Variants in DLC1 observed in about 807,000 individuals in gnomAD.
DLC1 encodes DLC1 Rho GTPase activating protein.
DLC1 carries 54 observed loss-of-function variants against 140.3 expected under a neutral mutation model. The ratio of observed to expected loss-of-function variants is 0.38; its 90% CI spans 0.31 to 0.48. The LOEUF is 0.48. DLC1 is among the 20% of genes least tolerant of loss of function. DLC1 has a pLI of 0.96. For missense variants in DLC1, 2,536 were observed against 1,907.0 expected (o/e 1.33, Z -6.14); for synonymous variants, 986 against 728.1 (o/e 1.35, Z -5.70).
chr8:13,158,667 C>G (rs1456397156), intron 5 of DLC1, among the ~76,000 whole-genome samples: 1 of 147,270 alleles, frequency 6.8e-6, no homozygotes, highest in East Asian at 2.0e-4. Context: ...GCTTTTCTTC[C>G]AGTGCTTTTC....
intron 5 of DLC1, among the ~76,000 whole-genome samples, chr8:13,155,629 T>C (rs900148075): frequency 1.3e-5 from 2 of 152,156 alleles, no homozygotes; most frequent in Non-Finnish European, 2.9e-5. Context: ...AGTAATATTG[T>C]TTGCTATATT....
chr8:13,424,685 G>A (rs908303426), intron 2 of DLC1, among the ~76,000 whole-genome samples: 2 of 151,762 alleles, frequency 1.3e-5, no homozygotes, highest in African/African-American at 2.4e-5. Flanking sequence ...CCACTCTCCT[G>A]CCTTAGCCCC....
chr8:13,154,280 T>G (rs1050851576), intron 5 of DLC1, among the ~76,000 whole-genome samples: 1 of 152,172 alleles, frequency 6.6e-6, no homozygotes, highest in Admixed American at 6.5e-5. Flanking sequence ...GACTCGGGCC[T>G]GCGGGAGCCC....
chr8:13,396,342 A>G (rs1485727011), intron 3 of DLC1, among the ~76,000 whole-genome samples: 2 of 152,150 alleles, frequency 1.3e-5, no homozygotes, highest in Non-Finnish European at 2.9e-5. Flanking sequence ...TACAGACGTG[A>G]GCTGCTGCGC....
intron 2 of DLC1, among the ~76,000 whole-genome samples, chr8:13,476,343 G>C (rs145922509): frequency 1.8e-4 from 27 of 152,256 alleles, no homozygotes; most frequent in Admixed American, 6.5e-4. Context: ...AAAGTATTAG[G>C]AAGATTGAAA....
intron 5 of DLC1, among the ~76,000 whole-genome samples, chr8:13,145,789 C>T (rs982674459): frequency 3.3e-5 from 5 of 152,062 alleles, no homozygotes; most frequent in East Asian, 1.9e-4. Context: ...ACATAATTTT[C>T]AATTTAATAA....
In DLC1 at chr8:13,099,625, G is replaced by C. The variant is rs749152245; in HGVS notation, c.2712C>G (p.Pro904=). 1.9e-6 allele frequency: 3 copies of C among 1,614,176 alleles called. No homozygotes were observed. The highest frequency in any genetic ancestry group is 2.2e-5 in the South Asian group (2 of 91,088). ...LADLENEDIF[P]ELDDILYHVK... is the part of the protein sequence containing the mutation. ...CGTGGTAGAGGATGTCGTCCAGCTC[G>C]GGGAAGATGTCCTCGTTCTCCAGAT... Residue 904 remains proline (P), a synonymous_variant, in exon 9 of 18, where the codon CCC becomes CCG. Transcript: ENST00000276297.
chr8:13,470,539 G>A (rs1735899837), intron 2 of DLC1, among the ~76,000 whole-genome samples: 1 of 152,094 alleles, frequency 6.6e-6, no homozygotes, highest in Non-Finnish European at 1.5e-5. Context: ...TAATCATCAA[G>A]GAAATACAAA....
intron 5 of DLC1, among the ~76,000 whole-genome samples, chr8:13,131,367 G>C (rs534086027): frequency 6.6e-6 from 1 of 152,136 alleles, no homozygotes; most frequent in African/African-American, 2.4e-5. Flanking sequence ...TGTAATCTGA[G>C]ACTCAGTATT....
chr8:13,143,263 G>GTGGTA (rs1450771535), intron 5 of DLC1, among the ~76,000 whole-genome samples: 2 of 151,508 alleles, frequency 1.3e-5, no homozygotes, highest in Non-Finnish European at 2.9e-5. Flanking sequence ...TTTCAAATAG[G>GTGGTA]TGGTATGATA....
chr8:13,380,968 GGAAGGGTTAATAT>G (rs1421790372), intron 4 of DLC1, among the ~76,000 whole-genome samples: 19 of 152,260 alleles, frequency 1.2e-4, no homozygotes, highest in African/African-American at 4.6e-4. Context: ...TGCCCTCTAG[GGAAGGGTTAATAT>G]GATGCCTGCC....
intron 3 of DLC1, among the ~76,000 whole-genome samples, chr8:13,400,591 A>G (rs753374415): frequency 2.0e-5 from 3 of 152,178 alleles, no homozygotes; most frequent in Admixed American, 6.5e-5. Flanking sequence ...AAGGCAGAAG[A>G]ATTTGTATCA....
intron 3 of DLC1, among the ~76,000 whole-genome samples, chr8:13,397,202 G>T (rs1837088939): frequency 6.6e-6 from 1 of 152,138 alleles, no homozygotes; most frequent in South Asian, 2.1e-4. Context: ...AGGTCTCACT[G>T]CTGACCCTCA....
intron 1 of DLC1, among the ~76,000 whole-genome samples, chr8:13,557,185 C>T (rs752023487): frequency 3.3e-5 from 5 of 152,172 alleles, no homozygotes; most frequent in African/African-American, 9.6e-5. Context: ...TACATAAAAC[C>T]TTTAAACTGT....
At chr8:13,254,182 T>A (rs112256647) in intron 5 of DLC1, among the ~76,000 whole-genome samples, 21 of 128,710 alleles carry the variant, frequency 1.6e-4, no homozygotes, top group East Asian at 4.9e-4. Flanking sequence ...CTAAATAAAA[T>A]TAAAAAAAAA....
rs867784361 is a variant in DLC1, at chr8:13,290,898, A to G, written c.1348+14371T>C. Among the ~76,000 whole-genome samples, 10 of 152,118 alleles carry G rather than the reference A, an allele frequency of 6.6e-5. No homozygotes were observed. The South Asian group carries it at 8.3e-4, about 13-fold the overall frequency. On this transcript the variant is annotated intron_variant, in intron 5 of 17. Coordinates refer to ENST00000276297, the MANE Select transcript of DLC1 (RefSeq NM_182643.3). Reference sequence around the variant, plus strand: ...CTTGGTAGAGTGGCCAGAGCTGGAGACTGTGCAGACATATCTTGTTTTTCT... The same window carrying G: ...CTTGGTAGAGTGGCCAGAGCTGGAGGCTGTGCAGACATATCTTGTTTTTCT...
intron 5 of DLC1, among the ~76,000 whole-genome samples, chr8:13,212,890 C>T (rs540207666): frequency 6.6e-6 from 1 of 152,314 alleles, no homozygotes; most frequent in South Asian, 2.1e-4. Flanking sequence ...TAAGCTTTCA[C>T]TCTTTTCATT....
At chr8:13,148,150 A>G (rs1313409902) in intron 5 of DLC1, among the ~76,000 whole-genome samples, 2 of 151,952 alleles carry the variant, frequency 1.3e-5, no homozygotes, top group Non-Finnish European at 1.5e-5. Context: ...TCTGGGGTAC[A>G]TGTGCAGGTG....
chr8:13,134,759 G>C (rs1230444423), intron 5 of DLC1, among the ~76,000 whole-genome samples: 2 of 152,086 alleles, frequency 1.3e-5, no homozygotes, highest in African/African-American at 4.8e-5. Flanking sequence ...GGGAGCTTGA[G>C]ACCAGGGTTG....
Sources: gnomAD v4.1 joint callset for allele counts (sites outside exome capture counted in the v4.1 genomes callset) on GRCh38, gnomAD v4.1.1 for gene constraint, MANE v1.5 for transcripts, NCBI Gene and HGNC (gene_info 2026-07-23, HGNC 2026-07-21) for gene names.